Variants in ABCB1 observed in about 807,000 individuals in gnomAD.
ABCB1 encodes ATP-dependent translocase ABCB1.
Under a neutral mutation model 142.0 loss-of-function variants are expected in ABCB1, and 69 were observed. The observed-to-expected ratio is 0.49, with a 90% CI of 0.40 to 0.59. The LOEUF (loss-of-function observed/expected upper bound fraction) is 0.59, where lower values mean the gene tolerates loss of function less well. Ranked by LOEUF, ABCB1 falls within the 20% of genes least tolerant of loss-of-function variation. The pLI, the probability that ABCB1 is intolerant of heterozygous loss-of-function variation, is 0.00. For synonymous variants in ABCB1, 532 were observed against 539.2 expected, an observed-to-expected ratio of 0.99 and a Z score of 0.18; for missense variants, 1,326 against 1,554.7, an observed-to-expected ratio of 0.85 and a Z score of 2.47.
Position 87,504,379 on chromosome 7 carries a change from G to T in ABCB1, c.3707C>A (p.Thr1236Asn). The change falls in exon 28 of 28, where the codon ACC (threonine) becomes AAC (asparagine). Residue 1236 changes from threonine (T) to asparagine (N), a missense_variant. Coordinates refer to ENST00000622132, the MANE Select transcript of ABCB1 (RefSeq NM_001348946.2). The part of the protein sequence containing the change: ...TCIVIAHRLS[T>N]IQNADLIVVF... ...CACTATTAAGTCTGCATTCTGGATGGTGGACAGGCGGTGAGCAATCACAAT... is the reference window on the plus strand; with the variant it reads ...CACTATTAAGTCTGCATTCTGGATGTTGGACAGGCGGTGAGCAATCACAAT... The T allele has an allele frequency of 6.2e-7, 1 of 1,614,100 alleles. No homozygotes were observed. Among genetic ancestry groups the T allele is most frequent in the South Asian group, 1.1e-5 (1 of 91,076 alleles).
chr7:87,564,890 G>A (rs1817724792), intron 7 of ABCB1, among the ~76,000 whole-genome samples: 1 of 152,186 alleles, frequency 6.6e-6, no homozygotes, highest in African/African-American at 2.4e-5. Flanking sequence ...ATACTGATGT[G>A]AAGAGTTTGC....
intron 16 of ABCB1, 124 bp downstream of exon 16, chr7:87,544,699 G>A: frequency 1.1e-6 from 1 of 905,954 alleles, no homozygotes; most frequent in Non-Finnish European, 1.7e-6. Flanking sequence ...TTGACATTCT[G>A]GGGGATAGGA....
chr7:87,653,397 C>T (rs978586083), intron 1 of ABCB1, among the ~76,000 whole-genome samples: 1 of 152,110 alleles, frequency 6.6e-6, no homozygotes. Flanking sequence ...CTATTCAAAA[C>T]TCCATACATA....
chr7:87,701,013 G>A (rs1251348468), intron 1 of ABCB1, among the ~76,000 whole-genome samples: 1 of 152,136 alleles, frequency 6.6e-6, no homozygotes, highest in Non-Finnish European at 1.5e-5. Flanking sequence ...GATGGTGCGG[G>A]AAACATTAAT....
At chr7:87,710,924 C>G (rs1830016236) in intron 1 of ABCB1, among the ~76,000 whole-genome samples, 1 of 152,192 alleles carries the variant, frequency 6.6e-6, no homozygotes, top group African/African-American at 2.4e-5. Context: ...ACTCTTGAAG[C>G]TTCATTCTCC....
chr7:87,539,565 A>T (rs556001400), intron 18 of ABCB1, among the ~76,000 whole-genome samples: 24 of 152,194 alleles, frequency 1.6e-4, no homozygotes, highest in Admixed American at 5.9e-4. Flanking sequence ...AGAGAGCCTG[A>T]TAAGATCCAT....
chr7:87,623,294 A>T (rs1002293333), intron 1 of ABCB1, among the ~76,000 whole-genome samples: 1 of 152,224 alleles, frequency 6.6e-6, no homozygotes, highest in Non-Finnish European at 1.5e-5. Flanking sequence ...ATGATAAAAA[A>T]TTTTAAAAAG....
At chr7:87,574,889 T>C (rs1818209667) in intron 4 of ABCB1, among the ~76,000 whole-genome samples, 1 of 152,178 alleles carries the variant, frequency 6.6e-6, no homozygotes, top group Admixed American at 6.5e-5. Context: ...AACTGAACTA[T>C]ATCTAGTTTA....
At chr7:87,626,770 A>G (rs867697909) in intron 1 of ABCB1, among the ~76,000 whole-genome samples, 2 of 134,150 alleles carry the variant, frequency 1.5e-5, no homozygotes, top group African/African-American at 2.8e-5. Context: ...TGTCATATAT[A>G]TGTCAGAGAG....
upstream of ABCB1, among the ~76,000 whole-genome samples, chr7:87,603,676 A>G (rs764387701): frequency 7.2e-5 from 11 of 152,240 alleles, no homozygotes; most frequent in Non-Finnish European, 1.5e-4. Context: ...GCTTTTCCAC[A>G]TGTAAATCAT....
chr7:87,645,618 A>G (rs968690350), intron 1 of ABCB1, among the ~76,000 whole-genome samples: 4 of 152,192 alleles, frequency 2.6e-5, no homozygotes, highest in African/African-American at 7.2e-5. Context: ...ATTCCTTTTT[A>G]GGAAACAGAT....
intron 10 of ABCB1, 24 bp from the exon 11 acceptor site, chr7:87,550,602 G>A (rs1484228051): frequency 6.2e-7 from 1 of 1,601,962 alleles, no homozygotes; most frequent in African/African-American, 1.3e-5. Flanking sequence ...AATTTTAAGA[G>A]ATTACTAGGT....
At chr7:87,698,077 G>T (rs1828654548) in intron 1 of ABCB1, among the ~76,000 whole-genome samples, 1 of 152,170 alleles carries the variant, frequency 6.6e-6, no homozygotes, top group African/African-American at 2.4e-5. Flanking sequence ...TTTGTAAGTA[G>T]CAAAATTTTA....
At chr7:87,694,075 A>T in intron 1 of ABCB1, 1 of 1,525,006 alleles carries the variant, frequency 6.6e-7, no homozygotes. Flanking sequence ...TGGGTTTTGT[A>T]AAGCCTTCTT....
intron 14 of ABCB1, 143 bp downstream of exon 14, chr7:87,549,205 C>T: frequency 1.2e-6 from 1 of 858,196 alleles, no homozygotes; most frequent in South Asian, 1.7e-5. Flanking sequence ...TTCAAAGAGG[C>T]CCAATGCTTT....
At chr7:87,679,634 C>A (rs1255834007) in intron 1 of ABCB1, among the ~76,000 whole-genome samples, 3 of 150,306 alleles carry the variant, frequency 2.0e-5, no homozygotes, top group Admixed American at 1.3e-4. Context: ...AAGTGGTCCT[C>A]TCACTTCAGC....
intron 1 of ABCB1, among the ~76,000 whole-genome samples, chr7:87,658,581 G>A (rs560177088): frequency 6.6e-6 from 1 of 152,210 alleles, no homozygotes; most frequent in Non-Finnish European, 1.5e-5. Context: ...TCATGCCAAA[G>A]GCACGATAAT....
chr7:87,626,003 TATGTAC>T (rs1217087778), intron 1 of ABCB1, among the ~76,000 whole-genome samples: 9 of 142,638 alleles, frequency 6.3e-5, no homozygotes, highest in Non-Finnish European at 1.4e-4. Flanking sequence ...TATATATGTA[TATGTAC>T]ATATATATAT....
chr7:87,519,837 C>G (rs544735527), intron 22 of ABCB1, among the ~76,000 whole-genome samples: 18 of 152,196 alleles, frequency 1.2e-4, no homozygotes, highest in Non-Finnish European at 2.4e-4. Flanking sequence ...ATTCTGCACA[C>G]AGTTACCCAA....
Sources: allele counts gnomAD v4.1 joint callset (sites outside exome capture counted in the v4.1 genomes callset), GRCh38; gene constraint gnomAD v4.1.1; transcripts MANE v1.5; gene names NCBI Gene and HGNC (gene_info 2026-07-23, HGNC 2026-07-21).